The following RAB3GAP2 variants were observed in gnomAD, a reference collection of about 807,000 sequenced individuals.
RAB3GAP2 encodes rab3 GTPase-activating protein non-catalytic subunit.
In RAB3GAP2, 87 loss-of-function variants were observed where a neutral mutation model predicts 185.3. That is an observed-to-expected ratio of 0.47 (90% CI 0.39 to 0.56). The LOEUF (loss-of-function observed/expected upper bound fraction) is 0.56, where lower values mean the gene tolerates loss of function less well. Ranked by LOEUF, RAB3GAP2 falls within the 20% of genes least tolerant of loss-of-function variation. The probability of loss-of-function intolerance (pLI) is 0.00; values close to 1 mark genes in which losing one functional copy is unlikely to be tolerated. For synonymous variants in RAB3GAP2, 554 were observed against 576.1 expected (o/e 0.96, Z 0.55); for missense variants, 1,492 against 1,638.2 (o/e 0.91, Z 1.54).
intron 1 of RAB3GAP2, among the ~76,000 whole-genome samples, chr1:220,262,082 G>A (rs1294471198): frequency 1.3e-5 from 2 of 149,704 alleles, no homozygotes; most frequent in Admixed American, 1.3e-4. Flanking sequence ...GAGGTCAGGA[G>A]ATCGAGACCA....
At chr1:220,193,980 C>T (rs1043212899) in intron 12 of RAB3GAP2, among the ~76,000 whole-genome samples, 18 of 151,948 alleles carry the variant, frequency 1.2e-4, no homozygotes, top group African/African-American at 2.9e-4. Flanking sequence ...CTATTAGAGA[C>T]GCACAGGGCC....
chr1:220,164,695 A>G (rs777767692), intron 27 of RAB3GAP2, 38 bp downstream of exon 27: 2 of 1,582,814 alleles, frequency 1.3e-6, no homozygotes, highest in East Asian at 2.3e-5. Context: ...AGCCTCTTTT[A>G]GATCAAACAG....
intron 19 of RAB3GAP2, 80 bp downstream of exon 19, chr1:220,183,956 T>G (rs1167387341): frequency 1.6e-6 from 2 of 1,228,552 alleles, no homozygotes; most frequent in Non-Finnish European, 2.2e-6. Context: ...CTTAATTTTC[T>G]ACTTCTTTAC....
intron 1 of RAB3GAP2, chr1:220,253,433 T>C: frequency 7.2e-7 from 1 of 1,395,438 alleles, no homozygotes. Context: ...GGCCAGACTG[T>C]TAAAAGAAAA....
Position 220,167,522 on chromosome 1 carries a change from A to T in RAB3GAP2, c.2960T>A (p.Met987Lys). The T allele has an allele frequency of 6.2e-7, 1 of 1,614,100 alleles. No individual in the cohort carries two copies. The highest frequency in any genetic ancestry group is 8.5e-7 in the Non-Finnish European group (1 of 1,180,018). ...RSFLEVSEME[M>K]DLGAIPDLLH... is the part of the protein sequence containing the mutation. ...ATCACCTGGTATGGCTCCTAAGTCC[A>T]TCTCCATCTCTGATACCTCAAGGAA... Residue 987 changes from methionine (M) to lysine (K), a missense_variant, in exon 25 of 35, where the codon ATG becomes AAG. Around this residue, in one of 5 missense-constraint regions of RAB3GAP2, gnomAD observed 681 missense variants for 689.1 expected, o/e 0.99. Transcript: ENST00000358951.
At chr1:220,231,799 T>C (rs1198966965) in intron 2 of RAB3GAP2, among the ~76,000 whole-genome samples, 2 of 152,208 alleles carry the variant, frequency 1.3e-5, no homozygotes, top group African/African-American at 4.8e-5. Context: ...TTTCTCCCTC[T>C]ACCCATTAAT....
chr1:220,238,254 A>T (rs1408515675), intron 1 of RAB3GAP2, among the ~76,000 whole-genome samples: 1 of 152,098 alleles, frequency 6.6e-6, no homozygotes, highest in Non-Finnish European at 1.5e-5. Flanking sequence ...CATTTTGCCC[A>T]GGCTGGTGAT....
In RAB3GAP2 at chr1:220,189,452, C is replaced by T. The variant is rs548986311; in HGVS notation, c.1779+251G>A. 5.3e-5 allele frequency among the ~76,000 whole-genome samples: 8 copies of T among 151,912 alleles called. No individual in the cohort carries two copies. The South Asian group carries it at 1.7e-3, about 32-fold the overall frequency. ...GCCAGGCTGGTCTCGAACTACTGAC[C>T]TCATGATCCCCCTGCCTCGGCCTCC... On this transcript the variant is annotated intron_variant, in intron 17 of 34. Coordinates refer to ENST00000358951, the MANE Select transcript of RAB3GAP2 (RefSeq NM_012414.4).
rs144148237 is a variant in RAB3GAP2, at chr1:220,158,785, C to T, written c.3261+601G>A. On this transcript the variant is annotated intron_variant, in intron 29 of 34. Transcript: ENST00000358951. This position sits in a 1 kb window ranked among gnomAD's most constrained non-coding sequence, Gnocchi z 4.3. ...AACAATCTTATAATTTCCTCACATC[C>T]CCAAAGCAAATAATTCAGTGTTTGT... Among the ~76,000 whole-genome samples, 709 of 152,124 alleles carry T rather than the reference C, an allele frequency of 4.7e-3. 4 individuals carry two copies. The highest frequency in any genetic ancestry group is 0.041 in the Middle Eastern group (12 of 294).
chr1:220,252,482 A>G (rs976823669), intron 1 of RAB3GAP2, among the ~76,000 whole-genome samples: 3 of 152,210 alleles, frequency 2.0e-5, no homozygotes, highest in South Asian at 2.1e-4. Flanking sequence ...AGAACCTTCA[A>G]CTGAGATACC....
intron 8 of RAB3GAP2, among the ~76,000 whole-genome samples, 185 bp downstream of exon 8, chr1:220,205,722 C>T (rs1013940921): frequency 2.6e-5 from 4 of 152,140 alleles, no homozygotes; most frequent in African/African-American, 9.7e-5. Flanking sequence ...TATGTTTTAG[C>T]TCATCTCTAC....
At chr1:220,171,194 G>A in intron 23 of RAB3GAP2, 74 bp from the exon 24 acceptor site, 1 of 1,254,936 alleles carries the variant, frequency 8.0e-7, no homozygotes, top group Non-Finnish European at 1.2e-6. Context: ...CTTTTAACTT[G>A]AAAGCTGATG....
intron 1 of RAB3GAP2, among the ~76,000 whole-genome samples, chr1:220,271,565 T>C (rs1001227374): frequency 1.3e-5 from 2 of 152,194 alleles, no homozygotes; most frequent in African/African-American, 2.4e-5. Flanking sequence ...GTAATTTTAG[T>C]TCCTAATGTA....
intron 27 of RAB3GAP2, 21 bp downstream of exon 27, chr1:220,164,712 T>C (rs1163558060): frequency 6.3e-7 from 1 of 1,595,174 alleles, no homozygotes; most frequent in East Asian, 2.2e-5. Context: ...ACAGTGATGT[T>C]TCTAACATCT....
chr1:220,264,822 C>T (rs976754123), intron 1 of RAB3GAP2, among the ~76,000 whole-genome samples: 1 of 152,144 alleles, frequency 6.6e-6, no homozygotes, highest in Non-Finnish European at 1.5e-5. Flanking sequence ...TAGACCAACA[C>T]TCCTTCATTC....
chr1:220,165,816 A>G (rs1658051926), intron 26 of RAB3GAP2, among the ~76,000 whole-genome samples: 1 of 152,208 alleles, frequency 6.6e-6, no homozygotes, highest in South Asian at 2.1e-4. Context: ...ATTGAAACGA[A>G]GAGTTCAGAA....
intron 24 of RAB3GAP2, among the ~76,000 whole-genome samples, chr1:220,169,582 C>T (rs1046644073): frequency 3.9e-5 from 6 of 152,072 alleles, no homozygotes; most frequent in East Asian, 1.9e-4. Context: ...GGGAAGCACA[C>T]GGATGCTTCA....
chr1:220,176,594 G>T (rs1658294265), intron 21 of RAB3GAP2, among the ~76,000 whole-genome samples: 5 of 152,134 alleles, frequency 3.3e-5, no homozygotes, highest in Admixed American at 2.6e-4. Context: ...CTCAGCAGTG[G>T]GCTGGAAAGT....
intron 2 of RAB3GAP2, among the ~76,000 whole-genome samples, chr1:220,222,646 T>G (rs1659328404): frequency 6.6e-6 from 1 of 152,228 alleles, no homozygotes; most frequent in African/African-American, 2.4e-5. Context: ...TAACTCTTAT[T>G]TACTTCAACT....
Sources: allele counts gnomAD v4.1 joint callset (sites outside exome capture counted in the v4.1 genomes callset), GRCh38; gene constraint gnomAD v4.1.1; regional missense constraint gnomAD v4.1.1; non-coding constraint Gnocchi (gnomAD v3.1); transcripts MANE v1.5; gene names NCBI Gene and HGNC (gene_info 2026-07-23, HGNC 2026-07-21).